The following SLC2A13 variants were observed in gnomAD, a reference collection of about 807,000 sequenced individuals.
SLC2A13 encodes solute carrier family 2 member 13.
A neutral mutation model predicts 64.4 loss-of-function variants in SLC2A13; 32 were observed. The observed-to-expected ratio is 0.50, with a 90% CI of 0.37 to 0.67. The LOEUF (loss-of-function observed/expected upper bound fraction) is 0.67. Ranked by LOEUF, SLC2A13 falls within the 30% of genes least tolerant of loss-of-function variation. SLC2A13 has a pLI of 0.00. For synonymous variants in SLC2A13, 338 were observed against 327.1 expected, an observed-to-expected ratio of 1.03 and a Z score of -0.36; for missense variants, 743 against 829.2, an observed-to-expected ratio of 0.90 and a Z score of 1.28.
chr12:39,776,682 G>A (rs1940790991), intron 7 of SLC2A13, among the ~76,000 whole-genome samples: 1 of 152,176 alleles, frequency 6.6e-6, no homozygotes, highest in Admixed American at 6.5e-5. Flanking sequence ...CCAGTCTGCT[G>A]AGCAGTATTC....
intron 3 of SLC2A13, among the ~76,000 whole-genome samples, chr12:40,026,491 C>T (rs538888418): frequency 2.0e-5 from 3 of 152,128 alleles, no homozygotes; most frequent in Non-Finnish European, 2.9e-5. Flanking sequence ...TTATATATTC[C>T]GAATAATGTC....
chr12:39,966,038 T>G (rs1946505447), intron 3 of SLC2A13, among the ~76,000 whole-genome samples: 1 of 151,464 alleles, frequency 6.6e-6, no homozygotes, highest in African/African-American at 2.4e-5. Flanking sequence ...TAAAATCTTT[T>G]TTTCATATAT....
chr12:39,904,668 A>G (rs928107625), intron 4 of SLC2A13, among the ~76,000 whole-genome samples: 3 of 152,086 alleles, frequency 2.0e-5, no homozygotes, highest in African/African-American at 7.2e-5. Context: ...GACAGAGCTC[A>G]TTTCAGGTTC....
chr12:39,911,611 C>T (rs1945433034), intron 4 of SLC2A13, among the ~76,000 whole-genome samples: 2 of 152,118 alleles, frequency 1.3e-5, no homozygotes, highest in East Asian at 1.9e-4. Flanking sequence ...CCCAAATTCA[C>T]ATTTTTCCCC....
At chr12:39,895,551 TACACAC>T (rs1183911411) in intron 4 of SLC2A13, among the ~76,000 whole-genome samples, 15 of 66,766 alleles carry the variant, frequency 2.2e-4, no homozygotes, top group Non-Finnish European at 3.6e-4. Context: ...TATATATATA[TACACAC>T]ACACACACAC....
intron 3 of SLC2A13, among the ~76,000 whole-genome samples, chr12:40,017,761 CT>C (rs1446091210): frequency 1.3e-5 from 2 of 152,156 alleles, no homozygotes; most frequent in African/African-American, 4.8e-5. Context: ...GTGGCTGGGC[CT>C]TGAAGAAGCA....
At chr12:39,955,868 A>T (rs1315165328) in intron 3 of SLC2A13, among the ~76,000 whole-genome samples, 4 of 152,162 alleles carry the variant, frequency 2.6e-5, no homozygotes, top group Admixed American at 6.5e-5. Context: ...GTTGTCCTCT[A>T]CGGACTCTGG....
intron 7 of SLC2A13, among the ~76,000 whole-genome samples, chr12:39,800,517 A>G (rs1941751145): frequency 8.0e-6 from 1 of 125,732 alleles, no homozygotes; most frequent in Non-Finnish European, 1.6e-5. Flanking sequence ...ACTGGCCATC[A>G]GAGAAATGCA....
chr12:39,916,701 A>G (rs968002677), intron 4 of SLC2A13, among the ~76,000 whole-genome samples: 1 of 152,136 alleles, frequency 6.6e-6, no homozygotes, highest in Non-Finnish European at 1.5e-5. Flanking sequence ...ACATTTATCA[A>G]AAGCACAGTA....
intron 4 of SLC2A13, among the ~76,000 whole-genome samples, chr12:39,898,546 A>C (rs577913806): frequency 7.2e-5 from 11 of 152,232 alleles, no homozygotes; most frequent in South Asian, 4.1e-4. Flanking sequence ...TCAGCTAAAC[A>C]CCAGGCAAAA....
At chr12:39,922,640 T>G (rs1235902225) in intron 4 of SLC2A13, among the ~76,000 whole-genome samples, 1 of 152,234 alleles carries the variant, frequency 6.6e-6, no homozygotes, top group Admixed American at 6.5e-5. Context: ...TACAATACAA[T>G]GACTTTTTGT....
chr12:39,853,051 T>A (rs1943511404), intron 6 of SLC2A13, among the ~76,000 whole-genome samples: 1 of 152,228 alleles, frequency 6.6e-6, no homozygotes, highest in Non-Finnish European at 1.5e-5. Flanking sequence ...GCTTTTGTTG[T>A]TTCATTCCTT....
chr12:40,049,504 A>G (rs1428355117), intron 1 of SLC2A13, among the ~76,000 whole-genome samples: 1 of 152,136 alleles, frequency 6.6e-6, no homozygotes. Flanking sequence ...TAACTGCAAT[A>G]GTTGTGGTTT....
chr12:39,939,667 T>C (rs1166233927), intron 4 of SLC2A13, among the ~76,000 whole-genome samples: 1 of 152,226 alleles, frequency 6.6e-6, no homozygotes, highest in Non-Finnish European at 1.5e-5. Context: ...GGTCTTAACA[T>C]ATAAGAAGCT....
chr12:40,028,214 ATATAT>A (rs1307511269), intron 3 of SLC2A13, 82 bp downstream of exon 3: 7 of 720,944 alleles, frequency 9.7e-6, no homozygotes, highest in Middle Eastern at 3.5e-4. Context: ...TATATTAAAA[ATATAT>A]TATACACACA....
At chr12:39,817,109 C>T (rs1942361812) in intron 7 of SLC2A13, among the ~76,000 whole-genome samples, 1 of 152,066 alleles carries the variant, frequency 6.6e-6, no homozygotes, top group African/African-American at 2.4e-5. Context: ...CAGAGAACAT[C>T]TCATTCAACT....
chr12:40,082,478 A>G (rs1938441216), intron 1 of SLC2A13, among the ~76,000 whole-genome samples: 1 of 152,204 alleles, frequency 6.6e-6, no homozygotes, highest in African/African-American at 2.4e-5. Flanking sequence ...GCTGCCGGCA[A>G]GTGCCTCAGC....
At position 39,837,676 on chromosome 12, in the gene SLC2A13, C is replaced by T. The variant is rs1240259108; in HGVS notation, c.1320-7448G>A. 4.2e-3 allele frequency among the ~76,000 whole-genome samples: 636 copies of T among 151,782 alleles called. 6 individuals carry two copies. Among genetic ancestry groups the T allele is most frequent in the Middle Eastern group, 6.8e-3 (2 of 294 alleles). On this transcript the variant is annotated intron_variant, in intron 6 of 9. Transcript: ENST00000280871. ...ACAAACAACCCCATCAAAAAGTGGG[C>T]GAAGGACATGAACAGACACTTCTCA...
At chr12:39,875,486 A>G (rs1158668272) in intron 4 of SLC2A13, among the ~76,000 whole-genome samples, 2 of 152,208 alleles carry the variant, frequency 1.3e-5, no homozygotes, top group African/African-American at 4.8e-5. Context: ...TTTGCCATGT[A>G]ATGCAACATA....
Sources: allele counts gnomAD v4.1 joint callset (sites outside exome capture counted in the v4.1 genomes callset), GRCh38; gene constraint gnomAD v4.1.1; transcripts MANE v1.5; gene names NCBI Gene and HGNC (gene_info 2026-07-23, HGNC 2026-07-21).